The following XRCC5 variants were observed in gnomAD, a reference collection of about 807,000 sequenced individuals.
The protein encoded by XRCC5 is X-ray repair cross complementing 5.
XRCC5 carries 12 observed loss-of-function variants against 95.7 expected under a neutral mutation model. That is an observed-to-expected ratio of 0.13 (90% CI 0.08 to 0.20). The LOEUF (loss-of-function observed/expected upper bound fraction) is 0.20, where lower values mean the gene tolerates loss of function less well. Among genes scored for constraint, XRCC5 ranks in the 10% least tolerant of loss-of-function variants. The probability of loss-of-function intolerance (pLI) is 1.00; values close to 1 mark genes in which losing one functional copy is unlikely to be tolerated. For missense variants in XRCC5, 595 were observed against 873.9 expected (o/e 0.68, Z 4.02); for synonymous variants, 281 against 290.3 (o/e 0.97, Z 0.33).
At chr2:216,119,289 C>A in intron 5 of XRCC5, 124 bp downstream of exon 5, 2 of 1,003,886 alleles carry the variant, frequency 2.0e-6, no homozygotes, top group Non-Finnish European at 2.9e-6. Context: ...CTGAATCTGT[C>A]AGATGACTGA....
At chr2:216,165,217 A>G (rs1389905758) in intron 16 of XRCC5, among the ~76,000 whole-genome samples, 2 of 152,162 alleles carry the variant, frequency 1.3e-5, no homozygotes, top group African/African-American at 4.8e-5. Context: ...TTAAAACAAC[A>G]TTTTAAGGTC....
chr2:216,133,420 C>T (rs1697024533), intron 10 of XRCC5, among the ~76,000 whole-genome samples: 2 of 152,238 alleles, frequency 1.3e-5, no homozygotes, highest in African/African-American at 4.8e-5. Flanking sequence ...AAGCGATTCT[C>T]CTACCTCTGT....
intron 19 of XRCC5, among the ~76,000 whole-genome samples, chr2:216,202,737 G>C (rs1689858825): frequency 6.6e-6 from 1 of 152,210 alleles, no homozygotes. Context: ...TTAATGAATA[G>C]TGAGGTGGTC....
In XRCC5 at chr2:216,141,601, G is replaced by A. The variant is rs545384789; in HGVS notation, c.1476+282G>A. 5.8e-5 allele frequency among the ~76,000 whole-genome samples: 7 copies of A among 120,470 alleles called. No individual in the cohort carries two copies. In the South Asian group the frequency reaches 1.8e-3, roughly 31 times the overall value. The allele number at this position is 120,470 out of a possible 152,430, so 79.0% of individuals were successfully genotyped here. Reference sequence around the variant, plus strand: ...AGCTTACTTTAACAAAAAAAATACAGGAAGGCCAGTTGCCTATGCTGGAGT... The same window carrying A: ...AGCTTACTTTAACAAAAAAAATACAAGAAGGCCAGTTGCCTATGCTGGAGT... On this transcript the variant is annotated intron_variant, in intron 13 of 20. Transcript: ENST00000392132.
intron 2 of XRCC5, among the ~76,000 whole-genome samples, chr2:216,116,454 G>C (rs1696698980): frequency 6.6e-6 from 1 of 152,154 alleles, no homozygotes; most frequent in African/African-American, 2.4e-5. Flanking sequence ...AATGAAGGGT[G>C]AGACTTATGG....
chr2:216,187,859 T>TCC lies in XRCC5; in HGVS notation c.1835-2365_1835-2364insCC, dbSNP rs776198918. On this transcript the variant is annotated intron_variant, in intron 16 of 20. Transcript: ENST00000392132. The stretch of plus-strand genomic sequence containing the variant: ...CTCTCTCTCTCTCTCTCTCTCTCTC[T>TCC]CTCCCCGTCTCCCTGTCTCTCCCTC... Among the ~76,000 whole-genome samples the TCC allele has an allele frequency of 6.7e-4, 74 of 110,522 alleles. 3 individuals are homozygous for TCC. The highest frequency in any genetic ancestry group is 4.1e-3 in the Middle Eastern group (1 of 242). The allele number at this position is 110,522 out of a possible 152,430, so 72.5% of individuals were successfully genotyped here.
intron 14 of XRCC5, among the ~76,000 whole-genome samples, chr2:216,153,026 C>T (rs1006081347): frequency 6.6e-6 from 1 of 152,154 alleles, no homozygotes. Context: ...CCTCTAATTA[C>T]TACCTGTTAC....
At chr2:216,128,162 T>TA (rs1280102299) in intron 8 of XRCC5, among the ~76,000 whole-genome samples, 8 of 152,334 alleles carry the variant, frequency 5.3e-5, no homozygotes, top group Admixed American at 3.3e-4. Flanking sequence ...ACTCCTATGT[T>TA]ATACCCATTT....
chr2:216,122,354 CTAAT>C, intron 6 of XRCC5, 101 bp downstream of exon 6: 1 of 1,092,080 alleles, frequency 9.2e-7, no homozygotes, highest in Non-Finnish European at 1.3e-6. Flanking sequence ...GGGCCACTCT[CTAAT>C]TAGTCATTGC....
chr2:216,176,238 C>T (rs1156378178), intron 16 of XRCC5, among the ~76,000 whole-genome samples: 2 of 152,168 alleles, frequency 1.3e-5, no homozygotes, highest in Non-Finnish European at 2.9e-5. Flanking sequence ...CCTGCCTCAG[C>T]CTCCCAAGCA....
chr2:216,116,340 A>T (rs1006512282), intron 2 of XRCC5, among the ~76,000 whole-genome samples: 1 of 152,036 alleles, frequency 6.6e-6, no homozygotes, highest in Admixed American at 6.6e-5. Flanking sequence ...ATCTTTTCAC[A>T]TTACCCATTT....
At chr2:216,144,606 A>G (rs1688588569) in intron 13 of XRCC5, among the ~76,000 whole-genome samples, 1 of 152,252 alleles carries the variant, frequency 6.6e-6, no homozygotes, top group South Asian at 2.1e-4. Context: ...ATTCAATATG[A>G]TAAGGAATAC....
In XRCC5 at chr2:216,148,117, C is replaced by T. The variant is rs1688674330; in HGVS notation, c.1511C>T (p.Pro504Leu). The T allele has an allele frequency of 1.9e-6, 3 of 1,613,744 alleles. No homozygotes were observed. The highest frequency in any genetic ancestry group is 2.7e-5 in the African/African-American group (2 of 74,902). Residue 504 changes from proline (P) to leucine (L), a missense_variant, in exon 14 of 21, where the codon CCT (proline) becomes CTT (leucine). Physicochemically the swap from Pro to Leu is moderately conservative, Grantham distance 98. Coordinates refer to ENST00000392132, the MANE Select transcript of XRCC5 (RefSeq NM_021141.4). ...LLHRALHPRE[P>L]LPPIQQHIWN... is the part of the protein sequence containing the mutation. The stretch of plus-strand genomic sequence containing the variant: ...CACAGAGCTTTACATCCCCGGGAGC[C>T]TCTACCCCCAATTCAGCAGCATATT...
intron 6 of XRCC5, among the ~76,000 whole-genome samples, chr2:216,122,971 A>T (rs1179945006): frequency 6.6e-6 from 1 of 152,244 alleles, no homozygotes; most frequent in Non-Finnish European, 1.5e-5. Context: ...CATTTTGAGC[A>T]AAGAACCTAA....
At chr2:216,173,121 T>A (rs942961204) in intron 16 of XRCC5, among the ~76,000 whole-genome samples, 12 of 152,302 alleles carry the variant, frequency 7.9e-5, no homozygotes, top group African/African-American at 2.6e-4. Flanking sequence ...TGTGGTTTTT[T>A]AAATATACTT....
intron 14 of XRCC5, 82 bp downstream of exon 14, chr2:216,148,358 T>C (rs1688678270): frequency 2.3e-6 from 3 of 1,308,110 alleles, no homozygotes; most frequent in African/African-American, 1.5e-5. Flanking sequence ...AAGTGTCACA[T>C]AGGGGTCTAT....
At chr2:216,190,644 G>A (rs1689598342) in intron 17 of XRCC5, among the ~76,000 whole-genome samples, 1 of 151,982 alleles carries the variant, frequency 6.6e-6, no homozygotes, top group South Asian at 2.1e-4. Flanking sequence ...ATAACCTCTG[G>A]TGGCCCACTC....
chr2:216,189,412 C>G (rs1202792649), intron 16 of XRCC5, among the ~76,000 whole-genome samples: 5 of 152,218 alleles, frequency 3.3e-5, no homozygotes, highest in Non-Finnish European at 7.3e-5. Context: ...CAGTTTTGAT[C>G]TGCACAGCAT....
At chr2:216,187,903 CCTT>C (rs1689537663) in intron 16 of XRCC5, among the ~76,000 whole-genome samples, 2 of 146,098 alleles carry the variant, frequency 1.4e-5, no homozygotes, top group Admixed American at 6.9e-5. Context: ...TCTGACTAAT[CCTT>C]CTTAGCCTCC....
Sources: gnomAD v4.1 joint callset for allele counts (sites outside exome capture counted in the v4.1 genomes callset) on GRCh38, gnomAD v4.1.1 for gene constraint, MANE v1.5 for transcripts, NCBI Gene and HGNC (gene_info 2026-07-23, HGNC 2026-07-21) for gene names.